The following RGS20 variants were observed in gnomAD, a reference collection of about 807,000 sequenced individuals.
RGS20 encodes gz-selective GTPase-activating protein.
In RGS20, 30 loss-of-function variants were observed where a neutral mutation model predicts 33.6. The ratio of observed to expected loss-of-function variants is 0.89; its 90% CI spans 0.67 to 1.21. RGS20 has a LOEUF of 1.21. Ranked by LOEUF, RGS20 falls within the 50% of genes most tolerant of loss-of-function variation. RGS20 has a pLI of 0.00. For synonymous variants in RGS20, 208 were observed against 197.9 expected (o/e 1.05, Z -0.43); for missense variants, 472 against 502.4 (o/e 0.94, Z 0.58).
intron 4 of RGS20, among the ~76,000 whole-genome samples, chr8:53,952,135 T>C (rs1814725248): frequency 7.4e-6 from 1 of 135,654 alleles, no homozygotes; most frequent in South Asian, 3.0e-4. Flanking sequence ...TGGAGTGCAG[T>C]GGTGCAATCT....
rs1444548492 is a variant in RGS20, at chr8:53,952,146, C to T, written c.744-1930C>T. Among the ~76,000 whole-genome samples the T allele has an allele frequency of 6.6e-5, 9 of 137,260 alleles. No homozygotes were observed. In the East Asian group the frequency reaches 1.1e-3, roughly 16 times the overall value. The allele number at this position is 137,260 out of a possible 152,430, so 90.0% of individuals were successfully genotyped here. ...AGGCTGGAGTGCAGTGGTGCAATCTCGGCTCACTGCAACATCTGCCTCCCG... is the reference window on the plus strand; with the variant it reads ...AGGCTGGAGTGCAGTGGTGCAATCTTGGCTCACTGCAACATCTGCCTCCCG... On this transcript the variant is annotated intron_variant, in intron 4 of 5. Transcript: ENST00000297313.
chr8:53,944,532 C>T (rs994223376), intron 3 of RGS20, among the ~76,000 whole-genome samples: 3 of 135,430 alleles, frequency 2.2e-5, no homozygotes, highest in African/African-American at 8.9e-5. Flanking sequence ...AGCAAGACCC[C>T]GTCTCAAAAA....
chr8:53,878,389 T>C (rs959170416), intron 1 of RGS20, among the ~76,000 whole-genome samples: 5 of 152,046 alleles, frequency 3.3e-5, no homozygotes, highest in Admixed American at 6.6e-5. Context: ...CAAGGTTGAG[T>C]GTAGAACCGT....
At chr8:53,891,142 G>C (rs1197495968) in intron 2 of RGS20, among the ~76,000 whole-genome samples, 1 of 152,146 alleles carries the variant, frequency 6.6e-6, no homozygotes, top group Non-Finnish European at 1.5e-5. Context: ...TATGTCCACA[G>C]CTTGTGCTAA....
chr8:53,863,250 G>A (rs1041025161), intron 1 of RGS20, among the ~76,000 whole-genome samples: 2 of 152,114 alleles, frequency 1.3e-5, no homozygotes, highest in Non-Finnish European at 2.9e-5. Flanking sequence ...GCCTCCCAAA[G>A]TGTTGGGATT....
intron 1 of RGS20, among the ~76,000 whole-genome samples, chr8:53,871,616 C>CAAA (rs758318571): frequency 7.2e-6 from 1 of 139,854 alleles, no homozygotes; most frequent in South Asian, 2.4e-4. Context: ...GAGTCCATCT[C>CAAA]AAAAAAAAAA....
At chr8:53,865,813 G>T (rs1811906361) in intron 1 of RGS20, among the ~76,000 whole-genome samples, 2 of 152,204 alleles carry the variant, frequency 1.3e-5, no homozygotes, top group South Asian at 4.2e-4. Context: ...TCTCTGTTTT[G>T]GCCAGGCTGG....
chr8:53,948,296 A>C (rs1248217821), intron 4 of RGS20, among the ~76,000 whole-genome samples: 2 of 140,604 alleles, frequency 1.4e-5, no homozygotes, highest in Non-Finnish European at 3.0e-5. Context: ...TATATATACG[A>C]TATATGATAC....
At chr8:53,868,900 G>A (rs961333352) in intron 1 of RGS20, among the ~76,000 whole-genome samples, 1 of 151,964 alleles carries the variant, frequency 6.6e-6, no homozygotes, top group Admixed American at 6.6e-5. Context: ...TTACAGGTAC[G>A]CACCACCACG....
At chr8:53,939,779 T>C in intron 3 of RGS20, 55 bp downstream of exon 2, 1 of 1,496,432 alleles carries the variant, frequency 6.7e-7, no homozygotes, top group Non-Finnish European at 9.0e-7. Flanking sequence ...TGTAATGTGC[T>C]CCTGACTGGG....
chr8:53,898,027 G>T (rs1585899058), intron 2 of RGS20, among the ~76,000 whole-genome samples: 1 of 152,240 alleles, frequency 6.6e-6, no homozygotes, highest in East Asian at 1.9e-4. Flanking sequence ...TCCACTCCGG[G>T]CCATACTTTG....
At chr8:53,860,996 GC>G (rs1029154226) in intron 1 of RGS20, among the ~76,000 whole-genome samples, 4 of 151,884 alleles carry the variant, frequency 2.6e-5, no homozygotes, top group African/African-American at 9.7e-5. Flanking sequence ...ATCAGCCCTA[GC>G]TGTTCTTTAG....
At chr8:53,956,026 C>G (rs915926690) in intron 5 of RGS20, among the ~76,000 whole-genome samples, 1 of 152,080 alleles carries the variant, frequency 6.6e-6, no homozygotes, top group African/African-American at 2.4e-5. Flanking sequence ...CCTGGCCACA[C>G]TCTCAGCACT....
At chr8:53,926,688 G>A (rs1170666876) in intron 2 of RGS20, among the ~76,000 whole-genome samples, 1 of 152,114 alleles carries the variant, frequency 6.6e-6, no homozygotes, top group Non-Finnish European at 1.5e-5. Flanking sequence ...GAAACAGGCG[G>A]ATCACTTGAG....
chr8:53,851,869 A>G lies in RGS20; in HGVS notation c.-31A>G. The G allele has an allele frequency of 6.2e-7, 1 of 1,609,494 alleles. No individual in the cohort carries two copies. Among genetic ancestry groups the G allele is most frequent in the Non-Finnish European group, 8.5e-7 (1 of 1,177,512 alleles). On this transcript the variant is annotated 5_prime_UTR_variant, in exon 1 of 6. Transcript: ENST00000297313. ...GCTAATATTGGGAAAACCAGGCAAC[A>G]GGACTCATTTGGGGCCTTTATTGTG...
rs1200676300 is a variant in RGS20, at chr8:53,852,060, T to C, written c.161T>C (p.Ile54Thr). 1.2e-6 allele frequency: 2 copies of C among 1,610,102 alleles called. No homozygotes were observed. The highest frequency in any genetic ancestry group is 8.5e-7 in the Non-Finnish European group (1 of 1,177,672). Residue 54 changes from isoleucine (I) to threonine (T), a missense_variant, in exon 1 of 6, where the codon ATC (isoleucine) becomes ACC (threonine). This residue lies in a region of RGS20 where 319 missense variants were observed against 283.4 expected (regional missense o/e 1.13). Coordinates refer to ENST00000297313, the MANE Select transcript of RGS20 (RefSeq NM_170587.4). ...GGAGACCTCAGGGCTGTTCCTGATA[T>C]CAAGGTAAGGTGATTTCCACAATCC...
chr8:53,892,749 T>C (rs890928444), intron 2 of RGS20, among the ~76,000 whole-genome samples: 5 of 152,360 alleles, frequency 3.3e-5, no homozygotes, highest in African/African-American at 1.2e-4. Context: ...CTAATATTTA[T>C]CATTATTTTA....
chr8:53,880,930 G>C, intron 2 of RGS20: 1 of 1,552,438 alleles, frequency 6.4e-7, no homozygotes, highest in Non-Finnish European at 8.6e-7. Context: ...GAGAGCCGGA[G>C]AAAGGCGAAA....
At chr8:53,882,828 G>A (rs555871353) in intron 2 of RGS20, among the ~76,000 whole-genome samples, 1 of 152,236 alleles carries the variant, frequency 6.6e-6, no homozygotes, top group East Asian at 1.9e-4. Flanking sequence ...TTGCCCCGGA[G>A]TGTGGGGAGG....
Sources: gnomAD v4.1 joint callset for allele counts (sites outside exome capture counted in the v4.1 genomes callset) on GRCh38, gnomAD v4.1.1 for gene constraint, gnomAD v4.1.1 regional missense constraint, MANE v1.5 for transcripts, NCBI Gene and HGNC (gene_info 2026-07-23, HGNC 2026-07-21) for gene names.